Variants in TMEM266 observed in about 807,000 individuals in gnomAD.
TMEM266 encodes transmembrane protein 266, also known as Hv1 related protein 1.
TMEM266 carries 33 observed loss-of-function variants against 50.5 expected under a neutral mutation model. The ratio of observed to expected loss-of-function variants is 0.65; its 90% confidence interval spans 0.50 to 0.87. The LOEUF (loss-of-function observed/expected upper bound fraction) is 0.87. TMEM266 is among the 40% of genes least tolerant of loss of function. The pLI is 0.00. For missense variants in TMEM266, 655 were observed against 695.1 expected (o/e 0.94, Z 0.65); for synonymous variants, 310 against 292.3 (o/e 1.06, Z -0.62).
intron 1 of TMEM266, among the ~76,000 whole-genome samples, chr15:76,070,024 A>T (rs963050679): frequency 6.6e-6 from 1 of 152,224 alleles, no homozygotes; most frequent in African/African-American, 2.4e-5. Context: ...TTTATTGAAT[A>T]TTCCTAATAT....
At chr15:76,118,733 A>T (rs970729942) in intron 1 of TMEM266, among the ~76,000 whole-genome samples, 2 of 152,212 alleles carry the variant, frequency 1.3e-5, no homozygotes, top group African/African-American at 4.8e-5. Context: ...CTTTCCCTCC[A>T]GTTTCTACCC....
chr15:76,149,025 G>A (rs947869387), intron 3 of TMEM266, among the ~76,000 whole-genome samples: 5 of 152,112 alleles, frequency 3.3e-5, no homozygotes, highest in Admixed American at 2.0e-4. Context: ...TTATGAGCCC[G>A]CATCTCAGAG....
Position 76,192,012 on chromosome 15 carries a change from G to A in TMEM266, c.813G>A (p.Leu271=), listed in dbSNP as rs2142082210. ...GCGCGCACCTGGCGCAGCAGGACCTGGACCTGGCTGCCGAGCGCGAAGCGG... is the reference window on the plus strand; with the variant it reads ...GCGCGCACCTGGCGCAGCAGGACCTAGACCTGGCTGCCGAGCGCGAAGCGG... The change falls in exon 9 of 11, where the codon CTG becomes CTA. Residue 271 remains leucine (L), a synonymous_variant. Coordinates refer to ENST00000388942, the MANE Select transcript of TMEM266 (RefSeq NM_152335.3). 1 of 1,578,592 alleles carries A rather than the reference G, an allele frequency of 6.3e-7. No homozygotes were observed. Among genetic ancestry groups the A allele is most frequent in the South Asian group, 1.1e-5 (1 of 88,844 alleles).
intron 3 of TMEM266, among the ~76,000 whole-genome samples, chr15:76,141,512 T>C (rs1201784949): frequency 1.3e-5 from 2 of 152,220 alleles, no homozygotes; most frequent in Non-Finnish European, 2.9e-5. Context: ...GTGTTGGGAT[T>C]ACAGGCGTGA....
intron 1 of TMEM266, among the ~76,000 whole-genome samples, chr15:76,098,927 C>G (rs990507440): frequency 2.0e-5 from 3 of 152,210 alleles, no homozygotes; most frequent in East Asian, 1.9e-4. Context: ...CCCCTCCCCC[C>G]CACCAAGCTA....
In TMEM266 at chr15:76,139,869, G is replaced by A. The variant is rs2037650761; in HGVS notation, c.227+1974G>A. The stretch of plus-strand genomic sequence containing the variant: ...TGCCCCCTGTGCGTGTTACGGCACC[G>A]CGGGTGGACCTTGCTATGGGTGTTC... On this transcript the variant is annotated intron_variant, in intron 3 of 10. Transcript: ENST00000388942. The surrounding 1 kb of genome is among the most constrained non-coding windows in gnomAD (Gnocchi z 4.1). 6.6e-6 allele frequency among the ~76,000 whole-genome samples: 1 copy of A among 152,194 alleles called. No individual in the cohort carries two copies. Among genetic ancestry groups the A allele is most frequent in the South Asian group, 2.1e-4 (1 of 4,830 alleles).
At chr15:76,101,546 C>T (rs2142003999) in intron 1 of TMEM266, among the ~76,000 whole-genome samples, 1 of 152,326 alleles carries the variant, frequency 6.6e-6, no homozygotes, top group African/African-American at 2.4e-5. Flanking sequence ...GGAAGGTCAC[C>T]ACTCTGGGCT....
chr15:76,121,108 A>G (rs1449281023), intron 1 of TMEM266, among the ~76,000 whole-genome samples: 2 of 152,198 alleles, frequency 1.3e-5, no homozygotes, highest in East Asian at 3.8e-4. Context: ...CCTATAAATA[A>G]GAGTATATGC....
chr15:76,094,942 G>C (rs1309931403), intron 1 of TMEM266, among the ~76,000 whole-genome samples: 2 of 152,026 alleles, frequency 1.3e-5, no homozygotes, highest in Admixed American at 1.3e-4. Flanking sequence ...AGAAATGCTT[G>C]TGATTTTTGC....
chr15:76,086,720 G>A (rs1403171290), intron 1 of TMEM266, among the ~76,000 whole-genome samples: 1 of 152,200 alleles, frequency 6.6e-6, no homozygotes, highest in Non-Finnish European at 1.5e-5. Context: ...GGACTAATCA[G>A]AGGCTGAAGT....
intron 4 of TMEM266, among the ~76,000 whole-genome samples, chr15:76,159,116 C>A (rs942642720): frequency 1.3e-5 from 2 of 152,194 alleles, no homozygotes; most frequent in Non-Finnish European, 1.5e-5. Flanking sequence ...TGCCTCTCAC[C>A]CCCTCTCAGC....
chr15:76,170,866 G>C (rs2038176852), intron 6 of TMEM266, 127 bp from the exon 7 acceptor site: 1 of 1,147,390 alleles, frequency 8.7e-7, no homozygotes, highest in African/African-American at 1.6e-5. Context: ...ACCCGGGGTG[G>C]GGTGGCCTTC....
intron 1 of TMEM266, among the ~76,000 whole-genome samples, chr15:76,098,030 G>A (rs1005498978): frequency 2.0e-5 from 3 of 151,930 alleles, no homozygotes; most frequent in African/African-American, 7.2e-5. Flanking sequence ...TAGCTTCCTT[G>A]CATTGGGTTA....
chr15:76,163,553 G>A (rs1174558498), intron 5 of TMEM266, among the ~76,000 whole-genome samples: 3 of 152,188 alleles, frequency 2.0e-5, no homozygotes, highest in Non-Finnish European at 4.4e-5. Flanking sequence ...CAATCCAGAT[G>A]GAGAATTGTG....
At chr15:76,067,930 C>G (rs903314549) in intron 1 of TMEM266, among the ~76,000 whole-genome samples, 2 of 152,126 alleles carry the variant, frequency 1.3e-5, no homozygotes, top group African/African-American at 4.8e-5. Context: ...CCAGCTCTCC[C>G]CACCAGAGCC....
At position 76,203,954 on chromosome 15, in the gene TMEM266, G is replaced by C. The variant is rs1222431601; in HGVS notation, c.1235G>C (p.Ser412Thr). The part of the protein sequence containing the change: ...DCSTAREEPS[S>T]EPGPSPPPLP... ...ACGCTGGGCTCCTCCATGGACTGCA[G>C]CACTGCCCGCGAGGAGCCGTCCTCT... Residue 412 changes from serine (S) to threonine (T), a missense_variant, in exon 11 of 11, where the codon AGC (serine) becomes ACC (threonine). Physicochemically the swap from Ser to Thr is moderately conservative, Grantham distance 58 (BLOSUM62 1). Around this residue, in one of 3 missense-constraint regions of TMEM266, gnomAD observed 455 missense variants for 401.8 expected, o/e 1.13. Transcript: ENST00000388942. The C allele has an allele frequency of 2.5e-6, 4 of 1,613,022 alleles. No homozygotes were observed. The Admixed American group carries it at 6.7e-5, about 27-fold the overall frequency.
intron 1 of TMEM266, among the ~76,000 whole-genome samples, chr15:76,076,895 C>T (rs1021308519): frequency 6.6e-6 from 1 of 152,044 alleles, no homozygotes; most frequent in Non-Finnish European, 1.5e-5. Context: ...CAACCACGCA[C>T]ACATGAAATC....
At chr15:76,192,301 C>A in intron 9 of TMEM266, 144 bp downstream of exon 9, 1 of 767,402 alleles carries the variant, frequency 1.3e-6, no homozygotes, top group Non-Finnish European at 1.9e-6. Flanking sequence ...GGGGGACACG[C>A]TCAGATCAGT....
chr15:76,088,906 C>T (rs1179523357), intron 1 of TMEM266, among the ~76,000 whole-genome samples: 3 of 151,052 alleles, frequency 2.0e-5, no homozygotes, highest in African/African-American at 4.9e-5. Context: ...GCAGCCTGGC[C>T]AACATGGTGA....
Sources: allele counts gnomAD v4.1 joint callset (sites outside exome capture counted in the v4.1 genomes callset), GRCh38; gene constraint gnomAD v4.1.1; regional missense constraint gnomAD v4.1.1; non-coding constraint Gnocchi (gnomAD v3.1); transcripts MANE v1.5; gene names NCBI Gene and HGNC (gene_info 2026-07-23, HGNC 2026-07-21).